The following MYO1B variants were observed in gnomAD, a reference collection of about 807,000 sequenced individuals.
The protein encoded by MYO1B is unconventional myosin-Ib.
A neutral mutation model predicts 159.7 loss-of-function variants in MYO1B; 72 were observed. The observed-to-expected ratio is 0.45, with a 90% CI of 0.37 to 0.55. MYO1B has a LOEUF of 0.55. Ranked by LOEUF, MYO1B falls within the 20% of genes least tolerant of loss-of-function variation. MYO1B has a pLI of 0.00. For missense variants in MYO1B, 1,062 were observed against 1,364.8 expected (o/e 0.78, Z 3.50); for synonymous variants, 468 against 473.8 (o/e 0.99, Z 0.16).
At position 191,282,911 on chromosome 2, in the gene MYO1B, T is replaced by C. The variant is rs138644518; in HGVS notation, c.135+5881T>C. ...ATCAGTAGTGCTCAGCTTACTCTGA[T>C]CGCTGCAAAGGTAGACCATTAAGGT... On this transcript the variant is annotated intron_variant, in intron 2 of 30. Coordinates refer to ENST00000392318, the MANE Select transcript of MYO1B (RefSeq NM_001130158.3). 6.1e-3 allele frequency among the ~76,000 whole-genome samples: 925 copies of C among 152,368 alleles called. 10 individuals are homozygous for C. Among genetic ancestry groups the C allele is most frequent in the Non-Finnish European group, 0.01 (713 of 68,034 alleles).
intron 15 of MYO1B, 118 bp downstream of exon 15, chr2:191,383,460 A>ATATATATATATATATATATATATATGTG (rs1695174672): frequency 4.3e-5 from 1 of 23,290 alleles, no homozygotes; most frequent in East Asian, 3.3e-3. Context: ...ATATATATAT[A>ATATATATATATATATATATATATATGTG]TATATATATA....
intron 3 of MYO1B, among the ~76,000 whole-genome samples, chr2:191,320,511 A>C (rs1484341923): frequency 6.6e-6 from 1 of 152,146 alleles, no homozygotes; most frequent in Non-Finnish European, 1.5e-5. Context: ...GTATATACAC[A>C]GTGGTCTGTG....
intron 3 of MYO1B, among the ~76,000 whole-genome samples, chr2:191,298,118 T>C (rs1051097971): frequency 6.6e-6 from 1 of 152,246 alleles, no homozygotes; most frequent in African/African-American, 2.4e-5. Context: ...GATGCTTGTT[T>C]TAGTTTCTCT....
At chr2:191,355,579 TTGAC>T (rs1408168385) in intron 7 of MYO1B, among the ~76,000 whole-genome samples, 3 of 152,218 alleles carry the variant, frequency 2.0e-5, no homozygotes, top group African/African-American at 7.2e-5. Context: ...GAGGCAGTGA[TTGAC>T]AACGCTAAGC....
chr2:191,260,229 T>C (rs1477171039), intron 1 of MYO1B, among the ~76,000 whole-genome samples: 2 of 136,754 alleles, frequency 1.5e-5, no homozygotes, highest in African/African-American at 5.0e-5. Context: ...TTGGAGGGTA[T>C]AATATTACTT....
intron 1 of MYO1B, among the ~76,000 whole-genome samples, chr2:191,260,420 A>G (rs1382567393): frequency 6.6e-6 from 1 of 151,886 alleles, no homozygotes; most frequent in East Asian, 1.9e-4. Flanking sequence ...TGTTTACATA[A>G]CATTGGTTGT....
chr2:191,282,605 C>T (rs895689380), intron 2 of MYO1B, among the ~76,000 whole-genome samples: 1 of 152,170 alleles, frequency 6.6e-6, no homozygotes, highest in East Asian at 1.9e-4. Flanking sequence ...CCATTCCCAG[C>T]GTGAACAGTA....
intron 20 of MYO1B, among the ~76,000 whole-genome samples, chr2:191,395,661 C>A (rs1696026488): frequency 6.6e-6 from 1 of 152,238 alleles, no homozygotes; most frequent in Non-Finnish European, 1.5e-5. Flanking sequence ...TAAGAAAGGC[C>A]TCTGGGCATT....
At chr2:191,365,909 CG>C (rs1016359401) in intron 11 of MYO1B, among the ~76,000 whole-genome samples, 1 of 152,282 alleles carries the variant, frequency 6.6e-6, no homozygotes, top group African/African-American at 2.4e-5. Flanking sequence ...TAAACTTGAA[CG>C]TGCATCAAAA....
chr2:191,276,333 G>A (rs972914738), intron 1 of MYO1B, among the ~76,000 whole-genome samples: 6 of 152,302 alleles, frequency 3.9e-5, no homozygotes, highest in Admixed American at 2.0e-4. Context: ...ACCATAGCAA[G>A]TTTCATAATC....
chr2:191,376,385 A>C (rs1044910538), intron 13 of MYO1B, among the ~76,000 whole-genome samples: 1 of 152,166 alleles, frequency 6.6e-6, no homozygotes, highest in East Asian at 1.9e-4. Flanking sequence ...GGTTAAGTGC[A>C]TTATATTTTT....
intron 2 of MYO1B, among the ~76,000 whole-genome samples, chr2:191,295,640 A>T (rs1241376318): frequency 6.6e-6 from 1 of 152,166 alleles, no homozygotes; most frequent in East Asian, 1.9e-4. Context: ...GCAGAGGGCC[A>T]GTGCCAAAGG....
intron 11 of MYO1B, among the ~76,000 whole-genome samples, chr2:191,364,814 A>G (rs1234731615): frequency 1.3e-5 from 2 of 152,202 alleles, no homozygotes; most frequent in Non-Finnish European, 2.9e-5. Flanking sequence ...CATTGTGGAT[A>G]TTATTAGAGG....
chr2:191,296,009 T>G (rs989006791), intron 2 of MYO1B, 102 bp from the exon 3 acceptor site: 3 of 502,554 alleles, frequency 6.0e-6, no homozygotes, highest in African/African-American at 5.9e-5. Flanking sequence ...GCAGAACTAG[T>G]GTTGATTTTA....
Position 191,387,384 on chromosome 2 carries a change from C to G in MYO1B, c.1715C>G (p.Ser572Ter), listed in dbSNP as rs1387750769. The G allele has an allele frequency of 6.2e-7, 1 of 1,614,046 alleles. No homozygotes were observed. The highest frequency in any genetic ancestry group is 8.5e-7 in the Non-Finnish European group (1 of 1,180,044). ...CTGAAAAGGCCTCCTACAGCAGGCT[C>G]ACAGTTCAAGGCATCCGTGGCCACT... is the stretch of plus-strand genomic sequence containing the variant. The part of the protein sequence containing the change: ...INLKRPPTAG[S>*]QFKASVATLM... Residue 572 changes from serine (S) to a stop codon, truncating the protein, a stop_gained, in exon 17 of 31, where the codon TCA (serine) becomes TGA (stop). Transcript: ENST00000392318. LOFTEE classifies it high-confidence loss of function.
chr2:191,284,177 G>A (rs1688226366), intron 2 of MYO1B, among the ~76,000 whole-genome samples: 1 of 152,236 alleles, frequency 6.6e-6, no homozygotes, highest in Non-Finnish European at 1.5e-5. Context: ...AGGAGGAAGA[G>A]GAAGCAGTTC....
chr2:191,405,089 A>C (rs1293198882), intron 24 of MYO1B, among the ~76,000 whole-genome samples: 1 of 152,198 alleles, frequency 6.6e-6, no homozygotes, highest in Non-Finnish European at 1.5e-5. Flanking sequence ...TGGTTTTGTC[A>C]ACTAAGCTTA....
intron 15 of MYO1B, among the ~76,000 whole-genome samples, chr2:191,383,573 A>G (rs1050168349): frequency 8.1e-5 from 12 of 148,574 alleles, no homozygotes; most frequent in Non-Finnish European, 1.6e-4. Flanking sequence ...AAGGAACTGC[A>G]GAGTTCTAGA....
At chr2:191,348,629 C>G (rs1451463639) in intron 6 of MYO1B, among the ~76,000 whole-genome samples, 1 of 152,260 alleles carries the variant, frequency 6.6e-6, no homozygotes, top group African/African-American at 2.4e-5. Context: ...CAACCTGGGC[C>G]TGTTCCTGTG....
Sources: gnomAD v4.1 joint callset for allele counts (sites outside exome capture counted in the v4.1 genomes callset) on GRCh38, gnomAD v4.1.1 for gene constraint, MANE v1.5 for transcripts, NCBI Gene and HGNC (gene_info 2026-07-23, HGNC 2026-07-21) for gene names.